Variants in DNAH10 observed in about 807,000 individuals in gnomAD.
The protein encoded by DNAH10 is axonemal beta dynein heavy chain 10.
A neutral mutation model predicts 506.6 loss-of-function variants in DNAH10; 348 were observed. The ratio of observed to expected loss-of-function variants is 0.69; its 90% CI spans 0.63 to 0.75. DNAH10 has a LOEUF of 0.75. Ranked by LOEUF, DNAH10 falls within the 30% of genes least tolerant of loss-of-function variation. The probability of loss-of-function intolerance (pLI) is 0.00; values close to 1 mark genes in which losing one functional copy is unlikely to be tolerated. For missense variants in DNAH10, 5,179 were observed against 5,787.1 expected, an observed-to-expected ratio of 0.89 and a Z score of 3.41; for synonymous variants, 2,059 against 2,198.6, an observed-to-expected ratio of 0.94 and a Z score of 1.78.
At position 123,898,664 on chromosome 12, in the gene DNAH10, C is replaced by G; in HGVS notation, c.9490C>G (p.Arg3164Gly). 6.3e-7 allele frequency: 1 copy of G among 1,583,354 alleles called. No individual in the cohort carries two copies. The highest frequency in any genetic ancestry group is 1.2e-5 in the South Asian group (1 of 86,328). Residue 3164 changes from arginine (R) to glycine (G), a missense_variant, in exon 56 of 79, where the codon CGT becomes GGT. By Grantham distance (125) the Arg-to-Gly change is moderately radical. Coordinates refer to ENST00000673944, the MANE Select transcript of DNAH10 (RefSeq NM_001372106.1). Reference protein sequence around the residue: ...KTQCNIAQCKRLDGGLDKLKE... With the variant: ...KTQCNIAQCKGLDGGLDKLKE... ...CCCTCTTTCCTCAGCTCAGTGCAAG[C>G]GTCTGGATGGGGGACTGGACAAGCT...
intron 58 of DNAH10, among the ~76,000 whole-genome samples, chr12:123,910,307 C>T (rs776114827): frequency 6.6e-6 from 1 of 152,204 alleles, no homozygotes; most frequent in Non-Finnish European, 1.5e-5. Context: ...TCCTGTGTGA[C>T]ACCTGCGTCC....
rs367953551 is a variant in DNAH10 at position 123,835,571 on chromosome 12, G to A, written c.4902+43G>A. On this transcript the variant is annotated intron_variant, in intron 28 of 78. Coordinates refer to ENST00000673944, the MANE Select transcript of DNAH10 (RefSeq NM_001372106.1). ...ATTTTAGTAATGAAAGAAGGGCAGCGATTTGAGATATTTGTACCTTTTTAT... is the reference window on the plus strand; with the variant it reads ...ATTTTAGTAATGAAAGAAGGGCAGCAATTTGAGATATTTGTACCTTTTTAT... The A allele has an allele frequency of 2.7e-4, 423 of 1,586,436 alleles. 2 individuals carry two copies. The highest frequency in any genetic ancestry group is 1.1e-3 in the African/African-American group (85 of 74,206).
intron 43 of DNAH10, among the ~76,000 whole-genome samples, chr12:123,869,901 C>G (rs1951960060): frequency 6.6e-6 from 1 of 152,198 alleles, no homozygotes; most frequent in Admixed American, 6.5e-5. Flanking sequence ...TTGCTGCCTT[C>G]CCGCATTGTC....
In DNAH10 at chr12:123,909,492, T is replaced by C. The variant is rs370970306; in HGVS notation, c.9997+50T>C. The C allele has an allele frequency of 4.6e-5, 68 of 1,492,762 alleles. No homozygotes were observed. The highest frequency in any genetic ancestry group is 6.1e-5 in the Non-Finnish European group (68 of 1,116,020). The allele number at this position is 1,492,762 out of a possible 1,614,324, so 92.5% of individuals were successfully genotyped here. A position where few individuals can be genotyped will look rare whatever the true frequency, so the allele number is the denominator to read the frequency against. ...CGCCAGGGTGGATCTCGGTCTGGCA[T>C]CTCAGGCTCTGGGACAGGGATGGAG... On this transcript the variant is annotated intron_variant, in intron 58 of 78. Coordinates refer to ENST00000673944, the MANE Select transcript of DNAH10 (RefSeq NM_001372106.1). The surrounding 1 kb of genome is among the most constrained non-coding windows in gnomAD (Gnocchi z 5.4).
chr12:123,885,403 C>A (rs1952686108), intron 51 of DNAH10, among the ~76,000 whole-genome samples: 1 of 152,118 alleles, frequency 6.6e-6, no homozygotes, highest in South Asian at 2.1e-4. Context: ...TTAGCTTTGT[C>A]CTTGTTTTCT....
chr12:123,834,064 C>G (rs998662670), intron 27 of DNAH10, among the ~76,000 whole-genome samples: 2 of 152,176 alleles, frequency 1.3e-5, no homozygotes, highest in South Asian at 4.1e-4. Context: ...TGAAGCCAGG[C>G]CTGGTTCACT....
At position 123,783,991 on chromosome 12, in the gene DNAH10, T is replaced by A. The variant is rs766527735; in HGVS notation, c.1044T>A (p.Asn348Lys). 14 of 1,614,220 alleles carry A rather than the reference T, an allele frequency of 8.7e-6. No homozygotes were observed. Among genetic ancestry groups the A allele is most frequent in the Non-Finnish European group, 1.2e-5 (14 of 1,180,044 alleles). ...LAEIEFWRER[N>K]ATLSALHEQT... ...AAATTGAATTCTGGAGGGAAAGAAA[T>A]GCAACCTTAAGTGCGCTGCATGAAC... Residue 348 changes from asparagine to lysine, a missense_variant, in exon 8 of 79, where the codon AAT becomes AAA. Asn to Lys is a moderately conservative substitution (Grantham distance 94). Around this residue, in one of 3 missense-constraint regions of DNAH10, gnomAD observed 4,844 missense variants for 5,430.5 expected, o/e 0.89. Coordinates refer to ENST00000673944, the MANE Select transcript of DNAH10 (RefSeq NM_001372106.1).
chr12:123,877,066 A>G (rs1307347915), intron 47 of DNAH10, among the ~76,000 whole-genome samples: 2 of 152,240 alleles, frequency 1.3e-5, no homozygotes, highest in Non-Finnish European at 2.9e-5. Context: ...AGCAACGTCT[A>G]ACCCCAGAAC....
chr12:123,860,809 C>A (rs1951581199), intron 38 of DNAH10, among the ~76,000 whole-genome samples: 1 of 152,122 alleles, frequency 6.6e-6, no homozygotes, highest in African/African-American at 2.4e-5. Context: ...TGTGCTGTGG[C>A]CACATTTTTG....
At chr12:123,771,409 A>T (rs1224090771) in intron 2 of DNAH10, among the ~76,000 whole-genome samples, 192 bp from the exon 3 acceptor site, 9 of 152,228 alleles carry the variant, frequency 5.9e-5, no homozygotes, top group African/African-American at 2.2e-4. Context: ...GTCAAAAACG[A>T]AACACAATTC....
intron 30 of DNAH10, among the ~76,000 whole-genome samples, chr12:123,842,597 A>G (rs1265524246): frequency 6.6e-6 from 1 of 152,240 alleles, no homozygotes; most frequent in East Asian, 1.9e-4. Context: ...AGCGAATAGC[A>G]TAATATTTAT....
chr12:123,814,726 T>C (rs1565939528), intron 21 of DNAH10, among the ~76,000 whole-genome samples: 1 of 150,844 alleles, frequency 6.6e-6, no homozygotes, highest in African/African-American at 2.4e-5. Flanking sequence ...GCCATTCTCC[T>C]GCCTCAGCCT....
intron 18 of DNAH10, among the ~76,000 whole-genome samples, chr12:123,807,099 CTCAT>C (rs1337535451): frequency 2.0e-5 from 3 of 152,026 alleles, no homozygotes; most frequent in Non-Finnish European, 4.4e-5. Context: ...CATTTATTAA[CTCAT>C]TCATTCATTT....
intron 61 of DNAH10, 41 bp from the exon 62 acceptor site, chr12:123,914,811 T>C: frequency 6.2e-7 from 1 of 1,604,018 alleles, no homozygotes; most frequent in Non-Finnish European, 8.5e-7. Context: ...GGCTCACAAA[T>C]TGGTGAGAAA....
At chr12:123,795,589 A>ACCT (rs1450827345) in intron 12 of DNAH10, among the ~76,000 whole-genome samples, 1 of 152,040 alleles carries the variant, frequency 6.6e-6, no homozygotes, top group Non-Finnish European at 1.5e-5. Flanking sequence ...ATTACATAGA[A>ACCT]CCTCCCCAGA....
chr12:123,817,099 C>CTTT (rs755698934), intron 21 of DNAH10, among the ~76,000 whole-genome samples: 3 of 86,998 alleles, frequency 3.4e-5, no homozygotes, highest in Admixed American at 1.1e-4. Context: ...TCCAGTCTAA[C>CTTT]TTTTTTTTTT....
chr12:123,908,121 T>TCTGTCTCCTCCCTGTCTCC (rs1566082919), intron 57 of DNAH10, among the ~76,000 whole-genome samples: 84 of 72,850 alleles, frequency 1.2e-3, no homozygotes, highest in African/African-American at 3.6e-3. Flanking sequence ...TCCCTGTCTC[T>TCTGTCTCCTCCCTGTCTCC]CTGTCTCCTC....
Position 123,925,456 on chromosome 12 carries a change from C to T in DNAH10, c.11921+252C>T, listed in dbSNP as rs59002473. The T allele has an allele frequency of 0.03, 11,467 of 384,868 alleles. 917 individuals are homozygous for T. The highest frequency in any genetic ancestry group is 0.19 in the African/African-American group (8,987 of 48,428). 23.8% of individuals were successfully genotyped at this position (384,868 alleles called of 1,614,324 possible). A position where few individuals can be genotyped will look rare whatever the true frequency, so the allele number is the denominator to read the frequency against. On this transcript the variant is annotated intron_variant, in intron 68 of 78. Coordinates refer to ENST00000673944, the MANE Select transcript of DNAH10 (RefSeq NM_001372106.1). This position sits in a 1 kb window ranked among gnomAD's most constrained non-coding sequence, Gnocchi z 4.0. ...GTAGCTACATTAGAAAAGAAATGGG[C>T]GCAATTAATTGTAATAACATTTTAT...
intron 78 of DNAH10, 63 bp from the exon 79 acceptor site, chr12:123,935,272 C>G: frequency 6.4e-7 from 1 of 1,571,284 alleles, no homozygotes; most frequent in Non-Finnish European, 8.7e-7. Flanking sequence ...TACACTGCAC[C>G]TCTGCCTTTA....
Sources: gnomAD v4.1 joint callset for allele counts (sites outside exome capture counted in the v4.1 genomes callset) on GRCh38, gnomAD v4.1.1 for gene constraint, gnomAD v4.1.1 regional missense constraint, Gnocchi (gnomAD v3.1) non-coding constraint, MANE v1.5 for transcripts, NCBI Gene and HGNC (gene_info 2026-07-23, HGNC 2026-07-21) for gene names.